FLRT2: variants seen among roughly 807,000 people sequenced by gnomAD.
FLRT2 encodes leucine-rich repeat transmembrane protein FLRT2.
Under a neutral mutation model 40.0 loss-of-function variants are expected in FLRT2, and 15 were observed. The ratio of observed to expected loss-of-function variants is 0.38; its 90% CI spans 0.25 to 0.58. The LOEUF is 0.58. FLRT2 is among the 20% of genes least tolerant of loss of function. The pLI, the probability that FLRT2 is intolerant of heterozygous loss-of-function variation, is 0.71. For missense variants in FLRT2, 726 were observed against 840.0 expected (o/e 0.86, Z 1.68); for synonymous variants, 380 against 336.8 (o/e 1.13, Z -1.41).
chr14:85,567,326 G>T (rs1245345465), intron 1 of FLRT2, among the ~76,000 whole-genome samples: 3 of 152,092 alleles, frequency 2.0e-5, no homozygotes, highest in African/African-American at 7.2e-5. Flanking sequence ...GCTTCCTTCG[G>T]CATCTTCCTT....
Position 85,624,496 on chromosome 14 carries a change from CAAT to C in FLRT2, c.*1000_*1002del, listed in dbSNP as rs1046081504. 25 of 167,154 alleles carry C rather than the reference CAAT, an allele frequency of 1.5e-4. No homozygotes were observed. Among genetic ancestry groups the C allele is most frequent in the African/African-American group, 4.1e-4 (17 of 41,582 alleles). 10.4% of individuals were successfully genotyped at this position (167,154 alleles called of 1,614,324 possible). ...GGTGATCAATGTTTGGAAAATACAA[CAAT>C]GACTTATTTAAAAATTACCCTTCCT... On this transcript the variant is annotated 3_prime_UTR_variant, in exon 2 of 2. Coordinates refer to ENST00000330753, the MANE Select transcript of FLRT2 (RefSeq NM_013231.6).
intron 1 of FLRT2, among the ~76,000 whole-genome samples, chr14:85,555,899 A>G (rs892494772): frequency 6.6e-6 from 1 of 151,948 alleles, no homozygotes; most frequent in Non-Finnish European, 1.5e-5. Context: ...AAAGAAGAAA[A>G]TTGGAAGAAA....
rs920257309 is a variant in FLRT2, at chr14:85,644,865, G to A, written c.*21368G>A. On this transcript the variant is annotated 3_prime_UTR_variant, in exon 2 of 2. Coordinates refer to ENST00000330753, the MANE Select transcript of FLRT2 (RefSeq NM_013231.6). ...ATTCAACGGTGCATAAAATGTTTCA[G>A]GCAGATGGTCATGCAGTTTGTAAAA... 1 of 152,126 alleles carries A rather than the reference G, an allele frequency of 6.6e-6. No homozygotes were observed. The highest frequency in any genetic ancestry group is 2.4e-5 in the African/African-American group (1 of 41,416). 9.4% of individuals were successfully genotyped at this position (152,126 alleles called of 1,614,324 possible).
intron 1 of FLRT2, among the ~76,000 whole-genome samples, chr14:85,563,893 A>G (rs964563486): frequency 2.0e-5 from 3 of 152,202 alleles, no homozygotes; most frequent in African/African-American, 7.2e-5. Flanking sequence ...TATGTCTGCT[A>G]TTTGTACATA....
Position 85,642,924 on chromosome 14 carries a change from A to G in FLRT2, c.*19427A>G, listed in dbSNP as rs150399904. ...TACCATAGACTGAGTGGCTTAAACA[A>G]TAAACATTTATTACTTCCAATTCTT... On this transcript the variant is annotated 3_prime_UTR_variant, in exon 2 of 2. Coordinates refer to ENST00000330753, the MANE Select transcript of FLRT2 (RefSeq NM_013231.6). 6.6e-6 allele frequency: 1 copy of G among 152,354 alleles called. No individual in the cohort carries two copies. Among genetic ancestry groups the G allele is most frequent in the East Asian group, 1.9e-4 (1 of 5,172 alleles). The allele number at this position is 152,354 out of a possible 1,614,324, so 9.4% of individuals were successfully genotyped here.
chr14:85,653,302 T>A lies in FLRT2; in HGVS notation c.*29805T>A, dbSNP rs1318857301. ...GATGTAACTTGGAGAAGTACCAATT[T>A]TGTCATTCTAGATGAGAAATCTTCT... is the stretch of plus-strand genomic sequence containing the variant. On this transcript the variant is annotated 3_prime_UTR_variant, in exon 2 of 2. Transcript: ENST00000330753. 5.9e-5 allele frequency: 9 copies of A among 152,136 alleles called. No individual in the cohort carries two copies. The highest frequency in any genetic ancestry group is 1.4e-4 in the African/African-American group (6 of 41,424). The allele number at this position is 152,136 out of a possible 1,614,324, so 9.4% of individuals were successfully genotyped here.
intron 1 of FLRT2, among the ~76,000 whole-genome samples, chr14:85,549,659 G>C (rs568784029): frequency 2.0e-5 from 3 of 152,148 alleles, no homozygotes; most frequent in East Asian, 1.9e-4. Context: ...TTTTTCAGTA[G>C]AGAAAAAATA....
intron 1 of FLRT2, among the ~76,000 whole-genome samples, chr14:85,617,561 C>T (rs913324003): frequency 1.3e-5 from 2 of 152,104 alleles, no homozygotes; most frequent in South Asian, 2.1e-4. Flanking sequence ...CTAAAAGGAT[C>T]GCTGCCTTCA....
intron 1 of FLRT2, among the ~76,000 whole-genome samples, chr14:85,542,775 G>A (rs753309610): frequency 7.9e-5 from 12 of 152,144 alleles, no homozygotes; most frequent in East Asian, 3.9e-4. Flanking sequence ...TCTGAGTCCC[G>A]AAGGAATGCC....
Position 85,564,686 on chromosome 14 carries a change from CTA to C in FLRT2, c.-377+34154_-377+34155del, listed in dbSNP as rs566330052. ...GTGTCTTTTGAAGACGTGGGTAACT[CTA>C]TTACAGAAAAATACTACTATACCTA... On this transcript the variant is annotated intron_variant, in intron 1 of 1. Transcript: ENST00000330753. Among the ~76,000 whole-genome samples the C allele has an allele frequency of 4.4e-4, 67 of 152,264 alleles. No individual in the cohort carries two copies. In the East Asian group the frequency reaches 0.012, roughly 28 times the overall value.
intron 1 of FLRT2, among the ~76,000 whole-genome samples, chr14:85,615,786 A>G (rs1475371211): frequency 1.6e-5 from 1 of 61,106 alleles, no homozygotes; most frequent in Non-Finnish European, 3.4e-5. Flanking sequence ...GCCTTGTCAC[A>G]ATTCAGCCAG....
Position 85,621,483 on chromosome 14 carries a change from A to G in FLRT2, c.-32A>G. On this transcript the variant is annotated 5_prime_UTR_variant, in exon 2 of 2. Transcript: ENST00000330753. ...TTTTTTTTTTCTTTTTCTTTTTCCC[A>G]CCACATTGTATTTTATTTCCGTACT... 6.5e-7 allele frequency: 1 copy of G among 1,534,916 alleles called. No individual in the cohort carries two copies. The highest frequency in any genetic ancestry group is 8.8e-7 in the Non-Finnish European group (1 of 1,142,032).
In FLRT2 at chr14:85,654,388, G is replaced by A. The variant is rs1466359333; in HGVS notation, c.*30891G>A. ...AATTTTACCATTTTCATATCTCTGTGCATACTCTTAATAAAAAATGGTATA... is the reference window on the plus strand; with the variant it reads ...AATTTTACCATTTTCATATCTCTGTACATACTCTTAATAAAAAATGGTATA... On this transcript the variant is annotated 3_prime_UTR_variant, in exon 2 of 2. Transcript: ENST00000330753. The A allele has an allele frequency of 3.3e-5, 5 of 152,026 alleles. No individual in the cohort carries two copies. The highest frequency in any genetic ancestry group is 7.4e-5 in the Non-Finnish European group (5 of 68,002). 9.4% of individuals were successfully genotyped at this position (152,026 alleles called of 1,614,324 possible). A position where few individuals can be genotyped will look rare whatever the true frequency, so the allele number is the denominator to read the frequency against.
In FLRT2 at chr14:85,636,440, T is replaced by G. The variant is rs1301276945; in HGVS notation, c.*12943T>G. The G allele has an allele frequency of 6.7e-6, 1 of 149,034 alleles. No individual in the cohort carries two copies. Among genetic ancestry groups the G allele is most frequent in the Non-Finnish European group, 1.5e-5 (1 of 67,516 alleles). The allele number at this position is 149,034 out of a possible 1,614,324, so 9.2% of individuals were successfully genotyped here. ...ACATTCTTATTAATCTTAACTAATT[T>G]TCTTTAGTGACAGAAATTCAAACTT... is the stretch of plus-strand genomic sequence containing the variant. On this transcript the variant is annotated 3_prime_UTR_variant, in exon 2 of 2. Coordinates refer to ENST00000330753, the MANE Select transcript of FLRT2 (RefSeq NM_013231.6).
At chr14:85,578,222 A>G (rs1891218818) in intron 1 of FLRT2, among the ~76,000 whole-genome samples, 1 of 146,402 alleles carries the variant, frequency 6.8e-6, no homozygotes, top group African/African-American at 2.5e-5. Context: ...ATACGTATAT[A>G]TATTTATATA....
In FLRT2 at chr14:85,628,051, A is replaced by G. The variant is rs1470281196; in HGVS notation, c.*4554A>G. 6.4e-6 allele frequency: 1 copy of G among 155,930 alleles called. No individual in the cohort carries two copies. The highest frequency in any genetic ancestry group is 1.5e-5 in the Non-Finnish European group (1 of 68,056). 9.7% of individuals were successfully genotyped at this position (155,930 alleles called of 1,614,324 possible). On this transcript the variant is annotated 3_prime_UTR_variant, in exon 2 of 2. Transcript: ENST00000330753. ...GGACTTTCGTATTCTCCTATCATGA[A>G]TATGACTTGCATTTCTAAAGGCCAT...
In FLRT2 at chr14:85,618,128, G is replaced by T. The variant is rs1595091672; in HGVS notation, c.-376-3011G>T. ...TAATAGTTTCTAGGCCCATCCCTGAGTACTTGGTTTGCTCCCAGTGTTAAT... is the reference window on the plus strand; with the variant it reads ...TAATAGTTTCTAGGCCCATCCCTGATTACTTGGTTTGCTCCCAGTGTTAAT... On this transcript the variant is annotated intron_variant, in intron 1 of 1. Transcript: ENST00000330753. Among the ~76,000 whole-genome samples, 5 of 152,332 alleles carry T rather than the reference G, an allele frequency of 3.3e-5. No individual in the cohort carries two copies. In the South Asian group the frequency reaches 1.0e-3, roughly 32 times the overall value.
intron 1 of FLRT2, chr14:85,559,470 G>C (rs1341879937): frequency 6.6e-6 from 1 of 152,194 alleles, no homozygotes; most frequent in Non-Finnish European, 1.5e-5. Flanking sequence ...AGTTCCTTTG[G>C]TTCCAAATGG....
rs931486056 is a variant in FLRT2 at position 85,650,912 on chromosome 14, T to C, written c.*27415T>C. 3.3e-5 allele frequency: 5 copies of C among 152,022 alleles called. No homozygotes were observed. The highest frequency in any genetic ancestry group is 9.7e-5 in the African/African-American group (4 of 41,402). The allele number at this position is 152,022 out of a possible 1,614,324, so 9.4% of individuals were successfully genotyped here. On this transcript the variant is annotated 3_prime_UTR_variant, in exon 2 of 2. Transcript: ENST00000330753. The stretch of plus-strand genomic sequence containing the variant: ...TCCAGGCTAGGATGCAGTAGCACGA[T>C]CTTAGCTTACTGTAGACTCCAACTC...
Sources: allele counts gnomAD v4.1 joint callset (sites outside exome capture counted in the v4.1 genomes callset), GRCh38; gene constraint gnomAD v4.1.1; transcripts MANE v1.5; gene names NCBI Gene and HGNC (gene_info 2026-07-23, HGNC 2026-07-21).